The following NDUFA5 variants were observed in gnomAD, a reference collection of about 807,000 sequenced individuals.
NDUFA5 encodes NADH dehydrogenase [ubiquinone] 1 alpha subcomplex subunit 5.
In NDUFA5, 11 loss-of-function variants were observed where a neutral mutation model predicts 19.8. That is an observed-to-expected ratio of 0.56 (90% CI 0.35 to 0.92). The LOEUF (loss-of-function observed/expected upper bound fraction) is 0.92, where lower values mean the gene tolerates loss of function less well. NDUFA5 is among the 40% of genes least tolerant of loss of function. The probability of loss-of-function intolerance (pLI) is 0.01; values close to 1 mark genes in which losing one functional copy is unlikely to be tolerated. For missense variants in NDUFA5, 109 were observed against 134.2 expected, an observed-to-expected ratio of 0.81 and a Z score of 0.93; for synonymous variants, 47 against 46.8, an observed-to-expected ratio of 1.00 and a Z score of -0.01.
the NDUFA5 span, among the ~76,000 whole-genome samples, chr7:123,576,279 C>T: frequency 6.6e-6 from 1 of 151,418 alleles, no homozygotes; most frequent in Non-Finnish European, 1.5e-5. Context: ...TTATTTGCAT[C>T]TCTTTATTGA....
the NDUFA5 span, among the ~76,000 whole-genome samples, chr7:123,601,305 G>C: frequency 6.6e-6 from 1 of 152,060 alleles, no homozygotes; most frequent in Non-Finnish European, 1.5e-5. Flanking sequence ...TCAATAACTT[G>C]ACCTAAAAAT....
At chr7:123,590,370 C>T in the NDUFA5 span, among the ~76,000 whole-genome samples, 3 of 151,980 alleles carry the variant, frequency 2.0e-5, no homozygotes, top group Non-Finnish European at 4.4e-5. Flanking sequence ...CATTGCTTTT[C>T]GTGTTTTAGT....
At chr7:123,576,365 T>C in the NDUFA5 span, among the ~76,000 whole-genome samples, 1 of 152,206 alleles carries the variant, frequency 6.6e-6, no homozygotes, top group Admixed American at 6.5e-5. Context: ...TAATTAATGG[T>C]AAAATATATG....
At chr7:123,555,971 A>T (rs898150749) in intron 2 of NDUFA5, 1 of 152,260 alleles carries the variant, frequency 6.6e-6, no homozygotes, top group Admixed American at 6.5e-5. Flanking sequence ...GGCAGTTAAG[A>T]AGTGAATGCA....
At chr7:123,573,003 C>G in the NDUFA5 span, among the ~76,000 whole-genome samples, 1 of 152,036 alleles carries the variant, frequency 6.6e-6, no homozygotes, top group African/African-American at 2.4e-5. Context: ...AACAAACGAT[C>G]AGCTATGTGT....
chr7:123,597,991 C>T, the NDUFA5 span, among the ~76,000 whole-genome samples: 8 of 148,612 alleles, frequency 5.4e-5, no homozygotes, highest in Non-Finnish European at 8.9e-5. Context: ...CCTCCACAGC[C>T]TTCTTAGGTC....
Position 123,557,407 on chromosome 7 carries a change from G to A in NDUFA5, c.63C>T (p.His21=). The change falls in exon 2 of 5, where the codon CAC becomes CAT. Residue 21 remains histidine (H), a synonymous_variant. Transcript: ENST00000355749. ...AAGAAAGAACAAAGGTACATACCTC[G>A]TGAGGAGTATTGCACACAGCCAATC... ...LVGLAVCNTP[H]ERLRILYTKI... is the part of the protein sequence containing the mutation. 1 of 1,613,572 alleles carries A rather than the reference G, an allele frequency of 6.2e-7. No individual in the cohort carries two copies. The highest frequency in any genetic ancestry group is 1.1e-5 in the South Asian group (1 of 91,024).
chr7:123,580,285 G>A, the NDUFA5 span, among the ~76,000 whole-genome samples: 6 of 152,050 alleles, frequency 3.9e-5, no homozygotes, highest in Non-Finnish European at 8.8e-5. Flanking sequence ...GTGCATGGCA[G>A]GCCGTTCTCT....
rs536825631 is a variant in NDUFA5 at position 123,551,082 on chromosome 7, C to G, written c.67-496G>C. On this transcript the variant is annotated intron_variant, in intron 2 of 4. Coordinates refer to ENST00000355749, the MANE Select transcript of NDUFA5 (RefSeq NM_005000.5). ...CTAGGATTACAGGTGGCCGCCACCACGCCTGGCTAATTTTTGGTAGAGACG... is the reference window on the plus strand; with the variant it reads ...CTAGGATTACAGGTGGCCGCCACCAGGCCTGGCTAATTTTTGGTAGAGACG... Among the ~76,000 whole-genome samples the G allele has an allele frequency of 2.0e-5, 3 of 151,744 alleles. No individual in the cohort carries two copies. In the South Asian group the frequency reaches 6.3e-4, roughly 32 times the overall value.
chr7:123,584,055 T>C, the NDUFA5 span, among the ~76,000 whole-genome samples: 3 of 151,958 alleles, frequency 2.0e-5, no homozygotes, highest in Non-Finnish European at 4.4e-5. Flanking sequence ...GTGCATGTAC[T>C]GCTTTGGTGA....
the NDUFA5 span, among the ~76,000 whole-genome samples, chr7:123,582,187 C>T: frequency 6.6e-6 from 1 of 151,918 alleles, no homozygotes; most frequent in Non-Finnish European, 1.5e-5. Flanking sequence ...GGTTCTCAGG[C>T]CCAGACCACT....
intron 3 of NDUFA5, 31 bp downstream of exon 3, chr7:123,550,439 A>ACTGTATACCACAAATC: frequency 7.7e-7 from 1 of 1,296,530 alleles, no homozygotes. Context: ...TAAATGTTAC[A>ACTGTATACCACAAATC]CAAGACAACA....
chr7:123,567,294 G>C, the NDUFA5 span, among the ~76,000 whole-genome samples: 2 of 152,262 alleles, frequency 1.3e-5, no homozygotes, highest in East Asian at 3.9e-4. Flanking sequence ...AGGTGGGAGA[G>C]AGTTGCCAGA....
At chr7:123,597,629 C>A in the NDUFA5 span, among the ~76,000 whole-genome samples, 1 of 151,814 alleles carries the variant, frequency 6.6e-6, no homozygotes, top group East Asian at 1.9e-4. Flanking sequence ...GTCAGGAGTT[C>A]GAGACCAGCT....
At chr7:123,558,172 T>A (rs115647924), upstream of NDUFA5, 1 of 285,394 alleles carries the variant, frequency 3.5e-6, no homozygotes, top group Non-Finnish European at 6.7e-6. Flanking sequence ...CAACCTTCCT[T>A]TCTCAGTTTA....
At chr7:123,589,011 T>A in the NDUFA5 span, among the ~76,000 whole-genome samples, 1 of 151,888 alleles carries the variant, frequency 6.6e-6, no homozygotes, top group Non-Finnish European at 1.5e-5. Flanking sequence ...GAATATTCTA[T>A]GTCCATTGAT....
intron 3 of NDUFA5, among the ~76,000 whole-genome samples, chr7:123,548,007 C>T (rs186914736): frequency 1.1e-4 from 17 of 151,948 alleles, no homozygotes; most frequent in Admixed American, 3.3e-4. Flanking sequence ...CAAGTCACTC[C>T]ACAAATAAGT....
At chr7:123,553,975 G>T (rs1355578417) in intron 2 of NDUFA5, among the ~76,000 whole-genome samples, 4 of 152,182 alleles carry the variant, frequency 2.6e-5, no homozygotes, top group Non-Finnish European at 5.9e-5. Context: ...ATTGGAAAAG[G>T]CAATTACATA....
chr7:123,556,893 T>TAAAA (rs757231360), intron 2 of NDUFA5: 1 of 512,288 alleles, frequency 2.0e-6, no homozygotes, highest in Non-Finnish European at 3.9e-6. Flanking sequence ...ATAACTCTTT[T>TAAAA]GAGTTATCTG....
Sources: allele counts gnomAD v4.1 joint callset (sites outside exome capture counted in the v4.1 genomes callset), GRCh38; gene constraint gnomAD v4.1.1; transcripts MANE v1.5; gene names NCBI Gene and HGNC (gene_info 2026-07-23, HGNC 2026-07-21).